The following TRIM24 variants were observed in gnomAD, a reference collection of about 807,000 sequenced individuals.
TRIM24 encodes tripartite motif containing 24.
Under a neutral mutation model 123.9 loss-of-function variants are expected in TRIM24, and 29 were observed. That is an observed-to-expected ratio of 0.23 (90% CI 0.17 to 0.32). The LOEUF is 0.32. TRIM24 is among the 10% of genes least tolerant of loss of function. The probability of loss-of-function intolerance (pLI) is 1.00; values close to 1 mark genes in which losing one functional copy is unlikely to be tolerated. For missense variants in TRIM24, 932 were observed against 1,295.3 expected (o/e 0.72, Z 4.31); for synonymous variants, 456 against 461.1 (o/e 0.99, Z 0.14).
At chr7:138,461,212 C>A in intron 1 of TRIM24, 2 of 654,248 alleles carry the variant, frequency 3.1e-6, no homozygotes, top group South Asian at 2.7e-5. Flanking sequence ...AGACCTCTGT[C>A]GGAGTCTCCT....
chr7:138,566,901 A>G (rs140385467), intron 9 of TRIM24, among the ~76,000 whole-genome samples: 551 of 152,300 alleles, frequency 3.6e-3, no homozygotes, highest in African/African-American at 0.012. Flanking sequence ...TCCCAGCTCC[A>G]TGCCTTATTG....
intron 9 of TRIM24, among the ~76,000 whole-genome samples, chr7:138,555,651 T>G (rs1269944706): frequency 1.3e-5 from 2 of 151,770 alleles, no homozygotes; most frequent in South Asian, 2.1e-4. Flanking sequence ...CCCGGCTAAT[T>G]TTTTGTATTT....
chr7:138,537,753 C>G (rs943998764), intron 6 of TRIM24, among the ~76,000 whole-genome samples: 6 of 152,184 alleles, frequency 3.9e-5, no homozygotes, highest in African/African-American at 1.4e-4. Context: ...ACCATTTCCT[C>G]CTTAATTCAA....
At chr7:138,574,553 A>G (rs1439700098) in intron 12 of TRIM24, among the ~76,000 whole-genome samples, 4 of 152,254 alleles carry the variant, frequency 2.6e-5, no homozygotes, top group Admixed American at 2.0e-4. Context: ...CATTTATCCA[A>G]TATAGCAGAT....
At position 138,578,559 on chromosome 7, in the gene TRIM24, T is replaced by C. The variant is rs202049318; in HGVS notation, c.2257-645T>C. 5.3e-3 allele frequency among the ~76,000 whole-genome samples: 507 copies of C among 96,068 alleles called. 2 individuals are homozygous for C. The highest frequency in any genetic ancestry group is 0.011 in the Middle Eastern group (2 of 174). The allele number at this position is 96,068 out of a possible 152,430, so 63.0% of individuals were successfully genotyped here. A position where few individuals can be genotyped will look rare whatever the true frequency, so the allele number is the denominator to read the frequency against. The stretch of plus-strand genomic sequence containing the variant: ...GTGTGTGTGTGTGTGTGTGTGTGTG[T>C]GTGTGCGCGCACGCACGAATGGAAG... On this transcript the variant is annotated intron_variant, in intron 14 of 18. Transcript: ENST00000343526.
intron 2 of TRIM24, 124 bp from the exon 3 acceptor site, chr7:138,515,088 C>T: frequency 2.2e-6 from 2 of 904,178 alleles, no homozygotes; most frequent in African/African-American, 1.6e-5. Context: ...TTTAAAATTT[C>T]CCAACACCAT....
At chr7:138,485,864 A>G (rs1320395751) in intron 1 of TRIM24, among the ~76,000 whole-genome samples, 2 of 152,172 alleles carry the variant, frequency 1.3e-5, no homozygotes, top group Admixed American at 6.6e-5. Flanking sequence ...CAGTAATGGG[A>G]TCACTGGGTC....
chr7:138,491,292 GA>G, intron 1 of TRIM24: 1 of 220,708 alleles, frequency 4.5e-6, no homozygotes. Flanking sequence ...ATCTTTCTAA[GA>G]AAATGGATCA....
intron 2 of TRIM24, among the ~76,000 whole-genome samples, chr7:138,508,724 T>TGTGTGTGTGTGTGCGTGTGC (rs1554436743): frequency 6.7e-6 from 1 of 148,724 alleles, no homozygotes; most frequent in African/African-American, 2.5e-5. Context: ...TGTGTGCGTG[T>TGTGTGTGTGTGTGCGTGTGC]GTGTGTGTGT....
intron 9 of TRIM24, 131 bp downstream of exon 9, chr7:138,555,097 G>T: frequency 1.0e-6 from 1 of 961,610 alleles, no homozygotes; most frequent in Non-Finnish European, 1.5e-6. Flanking sequence ...TCACATTAAG[G>T]ATCCCTGATT....
intron 1 of TRIM24, among the ~76,000 whole-genome samples, chr7:138,474,191 T>G (rs1344967138): frequency 6.6e-6 from 1 of 150,634 alleles, no homozygotes; most frequent in Non-Finnish European, 1.5e-5. Context: ...AGTGGCGCTA[T>G]CTCAGCTCAC....
intron 7 of TRIM24, among the ~76,000 whole-genome samples, chr7:138,548,135 G>C (rs1343175475): frequency 1.3e-5 from 2 of 152,104 alleles, no homozygotes; most frequent in Non-Finnish European, 2.9e-5. Context: ...TGATGACGGG[G>C]ATGCATTCTG....
chr7:138,504,499 G>C, intron 2 of TRIM24, 91 bp downstream of exon 2: 1 of 742,862 alleles, frequency 1.3e-6, no homozygotes, highest in Non-Finnish European at 1.9e-6. Context: ...TCATTCTGTT[G>C]CCCAGGCAGG....
intron 6 of TRIM24, among the ~76,000 whole-genome samples, chr7:138,536,507 A>G (rs1430231604): frequency 3.9e-5 from 6 of 152,264 alleles, no homozygotes; most frequent in Admixed American, 1.3e-4. Context: ...CCTGGGTATC[A>G]GCATTGGAGG....
At chr7:138,493,782 GGGT>G in intron 1 of TRIM24, among the ~76,000 whole-genome samples, 1 of 152,096 alleles carries the variant, frequency 6.6e-6, no homozygotes, top group Non-Finnish European at 1.5e-5. Flanking sequence ...ACTATGGAAT[GGGT>G]CATGGTAGCT....
chr7:138,499,836 T>C (rs1795996795), intron 1 of TRIM24, among the ~76,000 whole-genome samples: 1 of 152,098 alleles, frequency 6.6e-6, no homozygotes, highest in South Asian at 2.1e-4. Flanking sequence ...CCTCTCTCTA[T>C]GTATTTGAAG....
Position 138,546,199 on chromosome 7 carries a change from C to A in TRIM24, c.1144-4864C>A, listed in dbSNP as rs559134006. Among the ~76,000 whole-genome samples the A allele has an allele frequency of 1.8e-3, 279 of 152,254 alleles. 1 individual carries two copies. Among genetic ancestry groups the A allele is most frequent in the African/African-American group, 6.5e-3 (268 of 41,544 alleles). On this transcript the variant is annotated intron_variant, in intron 7 of 18. Coordinates refer to ENST00000343526, the MANE Select transcript of TRIM24 (RefSeq NM_015905.3). ...AGTGGTATGACAAGTTGACATCCTA[C>A]GTTTCCTGGCACGTCATCATTTGTG...
chr7:138,462,338 C>G (rs910461489), intron 1 of TRIM24, among the ~76,000 whole-genome samples: 1 of 124,414 alleles, frequency 8.0e-6, no homozygotes, highest in African/African-American at 3.0e-5. Context: ...GTGCAAAAAT[C>G]TTTTTTTTTT....
At chr7:138,494,366 G>A (rs893245980) in intron 1 of TRIM24, among the ~76,000 whole-genome samples, 1 of 150,690 alleles carries the variant, frequency 6.6e-6, no homozygotes, top group African/African-American at 2.4e-5. Flanking sequence ...TGACCCTCCC[G>A]CCTTGGCCTC....
Sources: gnomAD v4.1 joint callset for allele counts (sites outside exome capture counted in the v4.1 genomes callset) on GRCh38, gnomAD v4.1.1 for gene constraint, MANE v1.5 for transcripts, NCBI Gene and HGNC (gene_info 2026-07-23, HGNC 2026-07-21) for gene names.